NRP1: variants seen among roughly 807,000 people sequenced by gnomAD.
NRP1 encodes neuropilin 1, also known as neuropilin-1.
NRP1 carries 35 observed loss-of-function variants against 106.7 expected under a neutral mutation model. The observed-to-expected ratio is 0.33, with a 90% CI of 0.25 to 0.43. The LOEUF is 0.43. Among genes scored for constraint, NRP1 ranks in the 20% least tolerant of loss-of-function variants. The probability of loss-of-function intolerance (pLI) is 1.00; values close to 1 mark genes in which losing one functional copy is unlikely to be tolerated. For missense variants in NRP1, 1,024 were observed against 1,170.4 expected, an observed-to-expected ratio of 0.87 and a Z score of 1.83; for synonymous variants, 437 against 417.9, an observed-to-expected ratio of 1.05 and a Z score of -0.56.
At chr10:33,314,709 C>T (rs1846892077) in intron 2 of NRP1, among the ~76,000 whole-genome samples, 1 of 152,160 alleles carries the variant, frequency 6.6e-6, no homozygotes, top group Non-Finnish European at 1.5e-5. Context: ...CAGTGGAATC[C>T]TCTCATTGCC....
rs185066567 is a variant in NRP1, at chr10:33,259,128, G to C, written c.659-2657C>G. Among the ~76,000 whole-genome samples the C allele has an allele frequency of 5.8e-3, 886 of 152,248 alleles. 3 individuals are homozygous for C. Among genetic ancestry groups the C allele is most frequent in the South Asian group, 0.012 (56 of 4,822 alleles). On this transcript the variant is annotated intron_variant, in intron 4 of 16. Transcript: ENST00000374867. ...CTGCCACTATCACCCAATTCCTTTGGGGAGGGCGGAAGGGGAATCTCTTTG... is the reference window on the plus strand; with the variant it reads ...CTGCCACTATCACCCAATTCCTTTGCGGAGGGCGGAAGGGGAATCTCTTTG...
In NRP1 at chr10:33,225,198, G is replaced by C. The variant is rs564559185; in HGVS notation, c.1137+936C>G. On this transcript the variant is annotated intron_variant, in intron 7 of 16. Coordinates refer to ENST00000374867, the MANE Select transcript of NRP1 (RefSeq NM_003873.7). ...TCCATCTTGCCTGCCCTGTCCGAGA[G>C]TGGGGGTTTCACTGCTAATCAAAGG... is the stretch of plus-strand genomic sequence containing the variant. Among the ~76,000 whole-genome samples the C allele has an allele frequency of 8.5e-5, 13 of 152,284 alleles. No individual in the cohort carries two copies. The South Asian group carries it at 2.7e-3, about 32-fold the overall frequency.
chr10:33,318,359 T>C (rs1273211916), intron 2 of NRP1, among the ~76,000 whole-genome samples: 1 of 152,126 alleles, frequency 6.6e-6, no homozygotes, highest in Non-Finnish European at 1.5e-5. Flanking sequence ...AGAGGTGCAA[T>C]TATAACGCAC....
At chr10:33,180,536 C>A (rs753623685) in intron 16 of NRP1, among the ~76,000 whole-genome samples, 171 bp from the exon 17 acceptor site, 1 of 152,070 alleles carries the variant, frequency 6.6e-6, no homozygotes, top group African/African-American at 2.4e-5. Context: ...GGGGAGTGGG[C>A]GCTGGGGCTT....
Position 33,334,386 on chromosome 10 carries a change from C to T in NRP1, c.-4G>A, listed in dbSNP as rs1848493117. The stretch of plus-strand genomic sequence containing the variant: ...GGAGCGGCAGCCCCCTCTCCATTCT[C>T]CCTTCTCCGGGTCCGCAGGCAGACG... On this transcript the variant is annotated 5_prime_UTR_variant, in exon 1 of 17. Transcript: ENST00000374867. 1 of 1,544,958 alleles carries T rather than the reference C, an allele frequency of 6.5e-7. No individual in the cohort carries two copies. Among genetic ancestry groups the T allele is most frequent in the African/African-American group, 1.4e-5 (1 of 73,184 alleles).
Position 33,202,890 on chromosome 10 carries a change from C to T in NRP1, c.1864+1G>A, listed in dbSNP as rs1564376526. ...CAATGGGATGAAGATGGTTTCTGCA[C>T]CTGTGAGCTGGAAGTCATCACCTGT... On this transcript the variant is annotated splice_donor_variant, in intron 11 of 16. Coordinates refer to ENST00000374867, the MANE Select transcript of NRP1 (RefSeq NM_003873.7). LOFTEE classifies it high-confidence loss of function. 1 of 1,614,200 alleles carries T rather than the reference C, an allele frequency of 6.2e-7. No individual in the cohort carries two copies. The highest frequency in any genetic ancestry group is 2.2e-5 in the East Asian group (1 of 44,886).
At chr10:33,331,060 A>T (rs1848250988) in intron 1 of NRP1, among the ~76,000 whole-genome samples, 178 bp from the exon 2 acceptor site, 2 of 152,144 alleles carry the variant, frequency 1.3e-5, no homozygotes, top group South Asian at 2.1e-4. Flanking sequence ...ACACTCTTTG[A>T]TCTCAGGAAG....
intron 7 of NRP1, among the ~76,000 whole-genome samples, chr10:33,224,646 A>G (rs1839517785): frequency 6.6e-6 from 1 of 151,154 alleles, no homozygotes; most frequent in Non-Finnish European, 1.5e-5. Context: ...GGTTTACTGC[A>G]CAGATCATCC....
In NRP1 at chr10:33,178,870, G is replaced by T. The variant is rs1430094159; in HGVS notation, c.*1206C>A. 3 of 152,648 alleles carry T rather than the reference G, an allele frequency of 2.0e-5. No individual in the cohort carries two copies. Among genetic ancestry groups the T allele is most frequent in the Non-Finnish European group, 2.9e-5 (2 of 68,044 alleles). 9.5% of individuals were successfully genotyped at this position (152,648 alleles called of 1,614,324 possible). ...CCAAAGTTAGACTTTGGAGGGCAAAGTTAGGAATTTCCCTTATTTATTTAT... is the reference window on the plus strand; with the variant it reads ...CCAAAGTTAGACTTTGGAGGGCAAATTTAGGAATTTCCCTTATTTATTTAT... On this transcript the variant is annotated 3_prime_UTR_variant, in exon 17 of 17. Coordinates refer to ENST00000374867, the MANE Select transcript of NRP1 (RefSeq NM_003873.7).
intron 12 of NRP1, chr10:33,195,650 C>G (rs750772137): frequency 3.7e-5 from 19 of 510,686 alleles, no homozygotes; most frequent in Non-Finnish European, 7.2e-5. Context: ...AGACCTGACC[C>G]CTGGCTTGAA....
intron 7 of NRP1, among the ~76,000 whole-genome samples, chr10:33,225,319 C>T (rs1186560363): frequency 1.3e-5 from 2 of 152,172 alleles, no homozygotes. Flanking sequence ...AAAAGAGAGA[C>T]AGGTTAATTG....
At chr10:33,301,068 C>T (rs1325870552) in intron 2 of NRP1, among the ~76,000 whole-genome samples, 2 of 152,240 alleles carry the variant, frequency 1.3e-5, no homozygotes, top group Non-Finnish European at 2.9e-5. Flanking sequence ...CCATGGGAGC[C>T]GAACAAAGTC....
At position 33,197,698 on chromosome 10, in the gene NRP1, C is replaced by G. The variant is rs750790418; in HGVS notation, c.1876G>C (p.Val626Leu). 6.3e-7 allele frequency: 1 copy of G among 1,597,264 alleles called. No individual in the cohort carries two copies. Among genetic ancestry groups the G allele is most frequent in the Admixed American group, 1.7e-5 (1 of 58,192 alleles). The change falls in exon 12 of 17, where the codon GTG becomes CTG. Residue 626 changes from valine to leucine, a missense_variant. Transcript: ENST00000374867. ...ACCGTGGGCTTTTCTGTGGCCAGCA[C>G]AGTGGTGCCACCTGAAAAACAAAAA... is the stretch of plus-strand genomic sequence containing the variant. ...DDFQLTGGTTVLATEKPTVID... is the reference protein window; with the variant it reads ...DDFQLTGGTTLLATEKPTVID...
intron 2 of NRP1, among the ~76,000 whole-genome samples, chr10:33,308,723 A>G (rs1846351205): frequency 6.6e-6 from 1 of 152,066 alleles, no homozygotes; most frequent in Admixed American, 6.6e-5. Flanking sequence ...TCCTGACCTC[A>G]AATGATCTGC....
Position 33,197,701 on chromosome 10 carries a change from T to C in NRP1, c.1873A>G (p.Thr625Ala). Reference sequence around the variant, plus strand: ...GTGGGCTTTTCTGTGGCCAGCACAGTGGTGCCACCTGAAAAACAAAAACAG... The same window carrying C: ...GTGGGCTTTTCTGTGGCCAGCACAGCGGTGCCACCTGAAAAACAAAAACAG... ...GDDFQLTGGT[T>A]VLATEKPTVI... is the part of the protein sequence containing the mutation. The change falls in exon 12 of 17, where the codon ACT becomes GCT. Residue 625 changes from threonine to alanine, a missense_variant. Around this residue, in one of 5 missense-constraint regions of NRP1, gnomAD observed 562 missense variants for 620.3 expected, o/e 0.91. Coordinates refer to ENST00000374867, the MANE Select transcript of NRP1 (RefSeq NM_003873.7). 1.3e-6 allele frequency: 2 copies of C among 1,594,926 alleles called. No individual in the cohort carries two copies. Among genetic ancestry groups the C allele is most frequent in the African/African-American group, 1.3e-5 (1 of 74,662 alleles).
intron 2 of NRP1, among the ~76,000 whole-genome samples, chr10:33,291,115 C>T (rs1199391001): frequency 1.3e-5 from 2 of 152,154 alleles, no homozygotes; most frequent in Non-Finnish European, 2.9e-5. Flanking sequence ...CAGAAAGCAA[C>T]CTTTATTCAG....
chr10:33,281,758 A>G (rs1205512149), intron 2 of NRP1, among the ~76,000 whole-genome samples: 2 of 152,210 alleles, frequency 1.3e-5, no homozygotes, highest in African/African-American at 4.8e-5. Flanking sequence ...AAACGAAATC[A>G]TACATGTCAT....
At chr10:33,252,270 C>T (rs534728354) in intron 6 of NRP1, among the ~76,000 whole-genome samples, 89 of 152,126 alleles carry the variant, frequency 5.9e-4, no homozygotes, top group Non-Finnish European at 1.1e-3. Flanking sequence ...ACCTTGCACG[C>T]ATTCTCCAAG....
At chr10:33,314,017 C>T (rs4083724) in intron 2 of NRP1, among the ~76,000 whole-genome samples, 5,017 of 102,898 alleles carry the variant, frequency 0.049, 129 homozygotes, top group Non-Finnish European at 0.074. Context: ...TCCTTCCTTC[C>T]TTCTCTCTCT....
Sources: allele counts gnomAD v4.1 joint callset (sites outside exome capture counted in the v4.1 genomes callset), GRCh38; gene constraint gnomAD v4.1.1; regional missense constraint gnomAD v4.1.1; transcripts MANE v1.5; gene names NCBI Gene and HGNC (gene_info 2026-07-23, HGNC 2026-07-21).